The following MAD1L1 variants were observed in gnomAD, a reference collection of about 807,000 sequenced individuals.
MAD1L1 encodes mitotic spindle assembly checkpoint protein MAD1.
In MAD1L1, 95 loss-of-function variants were observed where a neutral mutation model predicts 96.9. The ratio of observed to expected loss-of-function variants is 0.98; its 90% CI spans 0.83 to 1.16. The LOEUF is 1.16. MAD1L1 is among the 50% of genes most tolerant of loss of function. The pLI is 0.00. For synonymous variants in MAD1L1, 473 were observed against 396.6 expected, an observed-to-expected ratio of 1.19 and a Z score of -2.29; for missense variants, 1,007 against 954.4, an observed-to-expected ratio of 1.06 and a Z score of -0.73.
intron 17 of MAD1L1, among the ~76,000 whole-genome samples, chr7:1,899,843 G>T (rs1234418858): frequency 1.3e-5 from 2 of 152,196 alleles, no homozygotes; most frequent in Non-Finnish European, 2.9e-5. Context: ...CTTCCTGGAG[G>T]TGAGCAGGGA....
At chr7:2,024,561 T>C (rs1429324100) in intron 12 of MAD1L1, among the ~76,000 whole-genome samples, 3 of 152,182 alleles carry the variant, frequency 2.0e-5, no homozygotes, top group Non-Finnish European at 1.5e-5. Context: ...CCTGTAGACA[T>C]ACTCAGGTCT....
In MAD1L1 at chr7:1,963,308, G is replaced by A. The variant is rs374841761; in HGVS notation, c.1506-5589C>T. Among the ~76,000 whole-genome samples, 14 of 152,244 alleles carry A rather than the reference G, an allele frequency of 9.2e-5. 1 individual carries two copies. Among genetic ancestry groups the A allele is most frequent in the African/African-American group, 3.1e-4 (13 of 41,534 alleles). ...CTCCCCCAACCAGCCATGCTGCGTG[G>A]AAGAAGCAAAAAGAGGGAGACCACA... On this transcript the variant is annotated intron_variant, in intron 15 of 18. Transcript: ENST00000265854.
intron 12 of MAD1L1, among the ~76,000 whole-genome samples, chr7:2,033,431 G>A (rs1356459362): frequency 6.6e-6 from 1 of 152,346 alleles, no homozygotes; most frequent in Middle Eastern, 3.4e-3. Flanking sequence ...AGACCAGCAC[G>A]CTTCGCCACA....
At chr7:1,897,666 C>T (rs1383840932) in intron 18 of MAD1L1, among the ~76,000 whole-genome samples, 1 of 152,264 alleles carries the variant, frequency 6.6e-6, no homozygotes, top group Non-Finnish European at 1.5e-5. Context: ...AGTCTGGCTT[C>T]ACCAGCAAAC....
At chr7:1,973,029 C>T (rs960554723) in intron 15 of MAD1L1, among the ~76,000 whole-genome samples, 2 of 152,084 alleles carry the variant, frequency 1.3e-5, no homozygotes, top group Non-Finnish European at 2.9e-5. Flanking sequence ...TGAGTGAATT[C>T]GATTCTTTCG....
intron 11 of MAD1L1, among the ~76,000 whole-genome samples, chr7:2,118,758 G>A (rs1395568082): frequency 2.6e-5 from 4 of 152,118 alleles, no homozygotes; most frequent in African/African-American, 9.7e-5. Context: ...TCCGGATAAG[G>A]GGCTACCACC....
chr7:2,060,139 G>A lies in MAD1L1; in HGVS notation c.1218+9055C>T, dbSNP rs773364826. Reference sequence around the variant, plus strand: ...CCAAGATGCCGAGATGTCGAGATACGCAGATGCCAAGATACGCCGAAGCCG... The same window carrying A: ...CCAAGATGCCGAGATGTCGAGATACACAGATGCCAAGATACGCCGAAGCCG... On this transcript the variant is annotated intron_variant, in intron 12 of 18. Coordinates refer to ENST00000265854, the MANE Select transcript of MAD1L1 (RefSeq NM_001013836.2). 1.3e-4 allele frequency among the ~76,000 whole-genome samples: 19 copies of A among 149,266 alleles called. 1 individual carries two copies. The highest frequency in any genetic ancestry group is 1.8e-4 in the Non-Finnish European group (12 of 67,662).
At chr7:2,005,672 A>C (rs528930426) in intron 13 of MAD1L1, among the ~76,000 whole-genome samples, 10 of 152,284 alleles carry the variant, frequency 6.6e-5, no homozygotes, top group African/African-American at 1.7e-4. Context: ...GTGGTAGCAC[A>C]CAACTGTGGT....
At chr7:1,855,827 T>G (rs62435134) in intron 18 of MAD1L1, among the ~76,000 whole-genome samples, 25,542 of 151,924 alleles carry the variant, frequency 0.17, 2,612 homozygotes, top group South Asian at 0.29. Context: ...GCTTTCGGGG[T>G]CTGTTACAGC....
At chr7:1,868,613 G>A (rs73046366) in intron 18 of MAD1L1, among the ~76,000 whole-genome samples, 4,677 of 152,280 alleles carry the variant, frequency 0.031, 151 homozygotes, top group Admixed American at 0.077. Context: ...TTTCTCCAGC[G>A]CGTCATGCGA....
At chr7:2,230,511 G>A (rs1794140231) in intron 2 of MAD1L1, 38 bp downstream of exon 2, 3 of 200,562 alleles carry the variant, frequency 1.5e-5, no homozygotes, top group African/African-American at 6.9e-5. Flanking sequence ...CACAGAGACA[G>A]ACACAAGAGA....
chr7:2,062,904 G>T (rs762996650), intron 12 of MAD1L1, among the ~76,000 whole-genome samples: 1 of 152,200 alleles, frequency 6.6e-6, no homozygotes, highest in African/African-American at 2.4e-5. Context: ...TGCATTCCCA[G>T]GGACGAAGGT....
chr7:2,170,964 G>A (rs1790677973), intron 10 of MAD1L1, among the ~76,000 whole-genome samples: 1 of 152,200 alleles, frequency 6.6e-6, no homozygotes. Context: ...GGCGGTTATA[G>A]GTGATCAAAC....
At chr7:1,916,382 G>C (rs577189195) in intron 17 of MAD1L1, among the ~76,000 whole-genome samples, 47 of 152,336 alleles carry the variant, frequency 3.1e-4, no homozygotes, top group African/African-American at 1.1e-3. Flanking sequence ...GCTGAGGACT[G>C]GATGAGTGAA....
intron 18 of MAD1L1, among the ~76,000 whole-genome samples, chr7:1,818,139 C>T (rs1781923802): frequency 6.6e-6 from 1 of 152,038 alleles, no homozygotes; most frequent in South Asian, 2.1e-4. Context: ...TGAATTTCTC[C>T]CCCTAAATGT....
At chr7:2,026,620 G>A (rs1330180021) in intron 12 of MAD1L1, among the ~76,000 whole-genome samples, 1 of 152,142 alleles carries the variant, frequency 6.6e-6, no homozygotes, top group African/African-American at 2.4e-5. Flanking sequence ...GGGAGATAAT[G>A]CTAGAAATCA....
chr7:1,878,736 C>T (rs1785516886), intron 18 of MAD1L1, among the ~76,000 whole-genome samples: 1 of 145,276 alleles, frequency 6.9e-6, no homozygotes, highest in African/African-American at 2.6e-5. Flanking sequence ...AAATGTCCCC[C>T]CCCCCCCATT....
intron 11 of MAD1L1, among the ~76,000 whole-genome samples, chr7:2,143,606 G>T (rs1789150188): frequency 6.6e-6 from 1 of 151,748 alleles, no homozygotes. Flanking sequence ...ACAAGGGCCT[G>T]ACTCCTCCTG....
At chr7:2,191,445 T>C (rs372364548) in intron 10 of MAD1L1, among the ~76,000 whole-genome samples, 36 of 152,308 alleles carry the variant, frequency 2.4e-4, no homozygotes, top group African/African-American at 8.4e-4. Context: ...TACAAATGTA[T>C]CTAAAACTAG....
Sources: gnomAD v4.1 joint callset for allele counts (sites outside exome capture counted in the v4.1 genomes callset) on GRCh38, gnomAD v4.1.1 for gene constraint, MANE v1.5 for transcripts, NCBI Gene and HGNC (gene_info 2026-07-23, HGNC 2026-07-21) for gene names.